Variants in LRRC37A2 observed in about 807,000 individuals in gnomAD.
The protein encoded by LRRC37A2 is leucine-rich repeat-containing protein 37A2.
A neutral mutation model predicts 68.8 loss-of-function variants in LRRC37A2; 9 were observed. The observed-to-expected ratio is 0.13, with a 90% CI of 0.08 to 0.23. The LOEUF (loss-of-function observed/expected upper bound fraction) is 0.23. Ranked by LOEUF, LRRC37A2 falls within the 10% of genes least tolerant of loss-of-function variation. LRRC37A2 has a pLI of 1.00. For synonymous variants in LRRC37A2, 63 were observed against 367.6 expected, an observed-to-expected ratio of 0.17 and a Z score of 9.48; for missense variants, 168 against 950.4, an observed-to-expected ratio of 0.18 and a Z score of 10.82.
the LRRC37A2 span, among the ~76,000 whole-genome samples, chr17:46,758,812 T>A: frequency 2.0e-5 from 3 of 152,286 alleles, no homozygotes; most frequent in East Asian, 5.8e-4. Flanking sequence ...GTTGAAACAG[T>A]GAGTCAGCTA....
the LRRC37A2 span, among the ~76,000 whole-genome samples, chr17:46,943,501 A>G: frequency 7.2e-5 from 11 of 152,146 alleles, no homozygotes; most frequent in Admixed American, 6.5e-5. Context: ...CCACAATCCC[A>G]TGAAACCTCC....
chr17:46,487,183 A>G, the LRRC37A2 span: 2 of 611,918 alleles, frequency 3.3e-6, no homozygotes, highest in Admixed American at 3.5e-5. Context: ...AAAAGTAATG[A>G]TAATAATAAC....
chr17:46,753,704 G>C, the LRRC37A2 span, among the ~76,000 whole-genome samples: 3 of 152,080 alleles, frequency 2.0e-5, no homozygotes, highest in Non-Finnish European at 4.4e-5. Context: ...CAGTGATCAA[G>C]TTAATGCTTC....
the LRRC37A2 span, among the ~76,000 whole-genome samples, chr17:46,734,539 A>G: frequency 6.6e-6 from 1 of 151,712 alleles, no homozygotes; most frequent in African/African-American, 2.4e-5. Flanking sequence ...TAGATTGAAC[A>G]TGTGTGTGTG....
chr17:46,503,168 T>C, the LRRC37A2 span, among the ~76,000 whole-genome samples: 1 of 139,804 alleles, frequency 7.2e-6, no homozygotes, highest in Admixed American at 7.3e-5. Context: ...GCCGAGATCA[T>C]GCCACTGCAC....
the LRRC37A2 span, among the ~76,000 whole-genome samples, chr17:47,036,829 G>T: frequency 3.4e-5 from 5 of 149,070 alleles, no homozygotes; most frequent in African/African-American, 9.9e-5. Flanking sequence ...GCCTTAAATT[G>T]CATTATAATT....
At chr17:46,710,897 C>T in the LRRC37A2 span, 18 of 1,403,550 alleles carry the variant, frequency 1.3e-5, no homozygotes, top group Admixed American at 1.3e-4. Flanking sequence ...GATTATAACT[C>T]GTCTTTTATA....
chr17:46,403,581 C>G, the LRRC37A2 span, among the ~76,000 whole-genome samples: 2 of 83,532 alleles, frequency 2.4e-5, no homozygotes, highest in East Asian at 4.9e-4. Flanking sequence ...TATATTCATA[C>G]AGTTAACCTC....
At chr17:46,892,501 A>G in the LRRC37A2 span, among the ~76,000 whole-genome samples, 1 of 152,234 alleles carries the variant, frequency 6.6e-6, no homozygotes, top group South Asian at 2.1e-4. Context: ...ACTCAGCCGT[A>G]GAAAGCACTT....
At chr17:46,943,611 G>A in the LRRC37A2 span, among the ~76,000 whole-genome samples, 4 of 152,204 alleles carry the variant, frequency 2.6e-5, no homozygotes, top group Admixed American at 6.5e-5. Flanking sequence ...TCCCGGGCAC[G>A]TAGTAGGCGC....
chr17:46,823,123 A>T, the LRRC37A2 span, among the ~76,000 whole-genome samples: 3 of 133,786 alleles, frequency 2.2e-5, 1 homozygote, highest in East Asian at 4.0e-4. Flanking sequence ...ATTATATATT[A>T]TATATTATAT....
the LRRC37A2 span, among the ~76,000 whole-genome samples, chr17:46,709,324 C>A: frequency 6.6e-6 from 1 of 151,626 alleles, no homozygotes; most frequent in Admixed American, 6.6e-5. Flanking sequence ...TTTATTTATT[C>A]CAAGGGTCTG....
chr17:47,011,368 G>A, the LRRC37A2 span, among the ~76,000 whole-genome samples: 1 of 151,968 alleles, frequency 6.6e-6, no homozygotes, highest in Non-Finnish European at 1.5e-5. Context: ...GGCCAACATG[G>A]TGAAACCCCA....
chr17:46,946,940 G>A, the LRRC37A2 span, among the ~76,000 whole-genome samples: 2 of 152,212 alleles, frequency 1.3e-5, no homozygotes, highest in African/African-American at 2.4e-5. Context: ...ATATCAGAGG[G>A]TGGAGAGCCC....
chr17:46,525,414 C>A (rs1482018869), intron 6 of LRRC37A2, among the ~76,000 whole-genome samples: 1 of 109,218 alleles, frequency 9.2e-6, no homozygotes, highest in African/African-American at 3.3e-5. Flanking sequence ...ATGGTGAAAC[C>A]TGTCTCTACT....
the LRRC37A2 span, among the ~76,000 whole-genome samples, chr17:46,500,721 A>G: frequency 1.3e-5 from 2 of 151,142 alleles, no homozygotes; most frequent in South Asian, 4.1e-4. Context: ...CAATATCTTC[A>G]TGACATTCAA....
the LRRC37A2 span, among the ~76,000 whole-genome samples, chr17:46,841,918 G>T: frequency 2.0e-5 from 3 of 152,222 alleles, no homozygotes; most frequent in Non-Finnish European, 2.9e-5. Context: ...TCTGGTCCGC[G>T]AGAGGACAGT....
chr17:46,489,514 C>T, the LRRC37A2 span, among the ~76,000 whole-genome samples: 1 of 148,474 alleles, frequency 6.7e-6, no homozygotes, highest in South Asian at 2.1e-4. Flanking sequence ...GAGATGGAGT[C>T]TCCCTCTGTC....
At chr17:46,892,597 T>TC in the LRRC37A2 span, among the ~76,000 whole-genome samples, 18 of 152,332 alleles carry the variant, frequency 1.2e-4, no homozygotes, top group Non-Finnish European at 2.4e-4. Context: ...TCCATCTCTC[T>TC]CCCCACACTG....
Sources: allele counts gnomAD v4.1 joint callset (sites outside exome capture counted in the v4.1 genomes callset), GRCh38; gene constraint gnomAD v4.1.1; transcripts MANE v1.5; gene names NCBI Gene and HGNC (gene_info 2026-07-23, HGNC 2026-07-21).